The following KLF17 variants were observed in gnomAD, a reference collection of about 807,000 sequenced individuals.
KLF17 encodes the protein Krueppel-like factor 17.
Under a neutral mutation model 34.2 loss-of-function variants are expected in KLF17, and 31 were observed. The ratio of observed to expected loss-of-function variants is 0.91; its 90% CI spans 0.68 to 1.22. KLF17 has a LOEUF of 1.22. Among genes scored for constraint, KLF17 ranks in the 50% most tolerant of loss-of-function variants. The pLI, the probability that KLF17 is intolerant of heterozygous loss-of-function variation, is 0.00. For missense variants in KLF17, 478 were observed against 505.2 expected (o/e 0.95, Z 0.52); for synonymous variants, 179 against 186.7 (o/e 0.96, Z 0.34).
intron 1 of KLF17, among the ~76,000 whole-genome samples, chr1:44,123,567 T>G (rs2087974466): frequency 6.6e-6 from 1 of 152,176 alleles, no homozygotes; most frequent in Non-Finnish European, 1.5e-5. Flanking sequence ...TCCTAAGAAC[T>G]TTTAGTTTCA....
chr1:44,099,889 GAAAGA>G, the KLF17 span, among the ~76,000 whole-genome samples: 1 of 57,376 alleles, frequency 1.7e-5, no homozygotes, highest in Non-Finnish European at 3.9e-5. Flanking sequence ...AAGAAAGAAA[GAAAGA>G]AAGAAAGAAA....
chr1:44,105,830 A>G, the KLF17 span, among the ~76,000 whole-genome samples: 1 of 151,902 alleles, frequency 6.6e-6, no homozygotes, highest in South Asian at 2.1e-4. Context: ...GGTTCACGGA[A>G]CCCCACTTTG....
At chr1:44,109,574 T>C in the KLF17 span, among the ~76,000 whole-genome samples, 2 of 152,224 alleles carry the variant, frequency 1.3e-5, no homozygotes. Context: ...TTATTTTTTT[T>C]AACTGTACCT....
At chr1:44,061,332 T>C in the KLF17 span, 1 of 152,198 alleles carries the variant, frequency 6.6e-6, no homozygotes, top group Non-Finnish European at 1.5e-5. Flanking sequence ...GTAGTCCCTT[T>C]AAGATTAAAG....
At chr1:44,102,325 A>G in the KLF17 span, among the ~76,000 whole-genome samples, 2 of 152,072 alleles carry the variant, frequency 1.3e-5, no homozygotes, top group African/African-American at 4.8e-5. Context: ...CTTAAGGCGG[A>G]CAGATCACTT....
intron 1 of KLF17, among the ~76,000 whole-genome samples, chr1:44,122,762 T>G (rs973345648): frequency 1.3e-5 from 2 of 152,118 alleles, no homozygotes; most frequent in Admixed American, 6.6e-5. Flanking sequence ...CACGCCCGGC[T>G]ACTTTTTTGT....
chr1:44,049,570 C>G, the KLF17 span, among the ~76,000 whole-genome samples: 1 of 152,246 alleles, frequency 6.6e-6, no homozygotes, highest in East Asian at 1.9e-4. Context: ...GCAACCTCTG[C>G]TTCCCAGGGT....
chr1:44,057,191 T>C, the KLF17 span, among the ~76,000 whole-genome samples: 4 of 152,032 alleles, frequency 2.6e-5, no homozygotes, highest in Non-Finnish European at 5.9e-5. Context: ...AAGCTTTGCC[T>C]CCCTAGACTT....
At chr1:44,102,322 C>T in the KLF17 span, among the ~76,000 whole-genome samples, 1 of 152,110 alleles carries the variant, frequency 6.6e-6, no homozygotes, top group South Asian at 2.1e-4. Flanking sequence ...TCACTTAAGG[C>T]GGACAGATCA....
At chr1:44,084,542 C>T in the KLF17 span, among the ~76,000 whole-genome samples, 6 of 151,562 alleles carry the variant, frequency 4.0e-5, no homozygotes, top group South Asian at 2.1e-4. Flanking sequence ...TAGCTAGATA[C>T]GGTGGCTTGT....
At chr1:44,087,970 G>C in the KLF17 span, 2 of 213,686 alleles carry the variant, frequency 9.4e-6, no homozygotes. Flanking sequence ...ATGATGAAGA[G>C]GATGAGGAAG....
chr1:44,101,477 C>A, the KLF17 span: 1 of 152,184 alleles, frequency 6.6e-6, no homozygotes, highest in South Asian at 2.1e-4. Flanking sequence ...AGAGTACAGT[C>A]AGGTTACTTT....
upstream of KLF17, chr1:44,114,181 C>T (rs186534157): frequency 6.6e-6 from 1 of 152,114 alleles, no homozygotes; most frequent in Non-Finnish European, 1.5e-5. Flanking sequence ...TTGAGGCATT[C>T]GATAAAGATG....
chr1:44,097,569 ACC>A, the KLF17 span, among the ~76,000 whole-genome samples: 2 of 151,762 alleles, frequency 1.3e-5, no homozygotes, highest in Non-Finnish European at 2.9e-5. Flanking sequence ...CTGCACATGT[ACC>A]CCAGAACATA....
intron 3 of KLF17, 135 bp from the exon 4 acceptor site, chr1:44,133,103 A>G (rs910946917): frequency 6.6e-6 from 1 of 152,212 alleles, no homozygotes; most frequent in Non-Finnish European, 1.5e-5. Flanking sequence ...TCAGAGGTCC[A>G]CCTCGGTACA....
Position 44,129,599 on chromosome 1 carries a change from C to G in KLF17, c.328C>G (p.Arg110Gly). 1 of 1,614,132 alleles carries G rather than the reference C, an allele frequency of 6.2e-7. No individual in the cohort carries two copies. Among genetic ancestry groups the G allele is most frequent in the South Asian group, 1.1e-5 (1 of 91,080 alleles). ...YCPQATLTPS[R>G]MIYCQRMSPP... The stretch of plus-strand genomic sequence containing the variant: ...CCCCCAAGCGACTCTCACTCCTTCC[C>G]GGATGATTTACTGTCAGAGAATGTC... Residue 110 changes from arginine to glycine, a missense_variant, in exon 2 of 4, where the codon CGG becomes GGG. Physicochemically the swap from Arg to Gly is moderately radical, Grantham distance 125 (BLOSUM62 -2). Coordinates refer to ENST00000372299, the MANE Select transcript of KLF17 (RefSeq NM_173484.4).
the KLF17 span, chr1:44,104,119 C>T: frequency 9.9e-7 from 1 of 1,012,728 alleles, no homozygotes. Context: ...TTGATCTCGT[C>T]AGTCAGCCCT....
chr1:44,127,511 TTCCTTCCCTCCCTCCC>T (rs2088023449), intron 1 of KLF17, among the ~76,000 whole-genome samples: 1 of 151,550 alleles, frequency 6.6e-6, no homozygotes, highest in Non-Finnish European at 1.5e-5. Flanking sequence ...ACTTCCTTCC[TTCCTTCCCTCCCTCCC>T]TCCTTCCCTC....
intron 1 of KLF17, chr1:44,122,450 G>C (rs117958769): frequency 0.011 from 14,553 of 1,269,466 alleles, 591 homozygotes; most frequent in East Asian, 0.1. Flanking sequence ...CCTGTGTTCT[G>C]TTCTTCAATG....
Sources: allele counts gnomAD v4.1 joint callset (sites outside exome capture counted in the v4.1 genomes callset), GRCh38; gene constraint gnomAD v4.1.1; transcripts MANE v1.5; gene names NCBI Gene and HGNC (gene_info 2026-07-23, HGNC 2026-07-21).